CRCP: variants seen among roughly 807,000 people sequenced by gnomAD.
CRCP encodes DNA-directed RNA polymerase III subunit RPC9.
Under a neutral mutation model 18.5 loss-of-function variants are expected in CRCP, and 18 were observed. The ratio of observed to expected loss-of-function variants is 0.97; its 90% confidence interval spans 0.67 to 1.44. The LOEUF (loss-of-function observed/expected upper bound fraction) is 1.44. Ranked by LOEUF, CRCP falls within the 40% of genes most tolerant of loss-of-function variation. The probability of loss-of-function intolerance (pLI) is 0.00; values close to 1 mark genes in which losing one functional copy is unlikely to be tolerated. For missense variants in CRCP, 130 were observed against 176.4 expected (o/e 0.74, Z 1.49); for synonymous variants, 53 against 62.9 (o/e 0.84, Z 0.75).
rs187318410 is a variant in CRCP, at chr7:66,132,502, G to T, written c.144+1660G>T. ...TCCCCTTCTCGTGTCCTGATTTCTG[G>T]GGGTACATGATATTGATGTTTCTTA... On this transcript the variant is annotated intron_variant, in intron 3 of 5. Transcript: ENST00000395326. Among the ~76,000 whole-genome samples, 64 of 152,260 alleles carry T rather than the reference G, an allele frequency of 4.2e-4. No homozygotes were observed. The East Asian group carries it at 9.1e-3, about 22-fold the overall frequency.
chr7:66,131,886 C>G (rs1218309684), intron 3 of CRCP, among the ~76,000 whole-genome samples: 2 of 151,836 alleles, frequency 1.3e-5, no homozygotes, highest in Admixed American at 1.3e-4. Context: ...CTCAGCCTCC[C>G]GAGTAGCTGG....
At chr7:66,138,320 C>G (rs1047270848) in intron 4 of CRCP, among the ~76,000 whole-genome samples, 2 of 152,066 alleles carry the variant, frequency 1.3e-5, no homozygotes, top group Admixed American at 1.3e-4. Flanking sequence ...GGGAAGATCA[C>G]TTGAGGCCAG....
intron 1 of CRCP, chr7:66,119,529 G>C (rs1787369314): frequency 2.0e-5 from 3 of 152,190 alleles, no homozygotes; most frequent in Admixed American, 2.0e-4. Context: ...TTCTGGGACT[G>C]AGCCCTCAGC....
At chr7:66,122,812 G>T (rs1297673315) in intron 1 of CRCP, among the ~76,000 whole-genome samples, 3 of 152,110 alleles carry the variant, frequency 2.0e-5, no homozygotes, top group Non-Finnish European at 4.4e-5. Context: ...CTTGCAGATT[G>T]CAAACTTCTT....
At chr7:66,131,429 G>A (rs997875450) in intron 3 of CRCP, among the ~76,000 whole-genome samples, 6 of 152,118 alleles carry the variant, frequency 3.9e-5, no homozygotes, top group African/African-American at 1.4e-4. Flanking sequence ...CAACCTCCTA[G>A]GCTCAGGTGA....
intron 3 of CRCP, among the ~76,000 whole-genome samples, chr7:66,133,382 C>T (rs1787867827): frequency 6.6e-6 from 1 of 152,008 alleles, no homozygotes; most frequent in Admixed American, 6.6e-5. Context: ...GTGGCAGGCG[C>T]CTGTAGTCCC....
intron 4 of CRCP, among the ~76,000 whole-genome samples, chr7:66,135,876 G>A (rs1474318190): frequency 2.6e-5 from 4 of 151,610 alleles, no homozygotes; most frequent in Admixed American, 6.6e-5. Context: ...AGCCAAGATC[G>A]CGCCCTTGCG....
chr7:66,128,126 A>T (rs1787671233), intron 2 of CRCP, among the ~76,000 whole-genome samples: 1 of 151,200 alleles, frequency 6.6e-6, no homozygotes, highest in South Asian at 2.1e-4. Context: ...AAAAAAAAAA[A>T]AAGAAAGAAA....
At chr7:66,124,081 GCCATGC>G (rs1787541918) in intron 1 of CRCP, among the ~76,000 whole-genome samples, 1 of 47,500 alleles carries the variant, frequency 2.1e-5, no homozygotes, top group Non-Finnish European at 4.0e-5. Context: ...AAAAAAAAAA[GCCATGC>G]CCAGTGGCTC....
intron 3 of CRCP, among the ~76,000 whole-genome samples, chr7:66,133,692 G>A (rs1013193077): frequency 2.7e-5 from 4 of 149,156 alleles, no homozygotes; most frequent in African/African-American, 7.3e-5. Flanking sequence ...TTGTCAGATT[G>A]AGGGTTTTTT....
chr7:66,151,727 C>A (rs1788476118), intron 5 of CRCP, among the ~76,000 whole-genome samples: 1 of 125,586 alleles, frequency 8.0e-6, no homozygotes, highest in Non-Finnish European at 1.7e-5. Flanking sequence ...GGTTATATAA[C>A]TTAGCTTTTT....
intron 2 of CRCP, among the ~76,000 whole-genome samples, chr7:66,129,383 T>C (rs760765773): frequency 9.2e-5 from 14 of 152,092 alleles, no homozygotes; most frequent in Non-Finnish European, 1.8e-4. Context: ...ACACCTACTA[T>C]GGTCCTAGCT....
At chr7:66,134,789 A>G (rs1163153786) in intron 4 of CRCP, among the ~76,000 whole-genome samples, 2 of 152,190 alleles carry the variant, frequency 1.3e-5, no homozygotes, top group East Asian at 3.8e-4. Context: ...GCATCTGACC[A>G]CAGCATAACA....
chr7:66,121,741 A>G (rs922858131), intron 1 of CRCP, among the ~76,000 whole-genome samples: 1 of 152,170 alleles, frequency 6.6e-6, no homozygotes, highest in African/African-American at 2.4e-5. Flanking sequence ...TCTTGAACGT[A>G]ATATATATAA....
At chr7:66,124,146 G>A (rs1297097526) in intron 1 of CRCP, among the ~76,000 whole-genome samples, 2 of 147,758 alleles carry the variant, frequency 1.4e-5, no homozygotes, top group Admixed American at 6.9e-5. Context: ...CGGATCACGA[G>A]GTCAGGAGAT....
At chr7:66,130,496 A>G (rs1787766743) in intron 2 of CRCP, among the ~76,000 whole-genome samples, 1 of 152,162 alleles carries the variant, frequency 6.6e-6, no homozygotes, top group Non-Finnish European at 1.5e-5. Context: ...ACATATTGAT[A>G]GGAAATATTT....
At chr7:66,148,391 G>A (rs988638754) in intron 5 of CRCP, among the ~76,000 whole-genome samples, 1 of 152,106 alleles carries the variant, frequency 6.6e-6, no homozygotes, top group South Asian at 2.1e-4. Flanking sequence ...GAAATAAAAG[G>A]TTTCACTTAC....
At position 66,130,818 on chromosome 7, in the gene CRCP, G is replaced by A; in HGVS notation, c.120G>A (p.Gln40=). 2 of 1,592,570 alleles carry A rather than the reference G, an allele frequency of 1.3e-6. No individual in the cohort carries two copies. The highest frequency in any genetic ancestry group is 1.7e-6 in the Non-Finnish European group (2 of 1,160,644). The change falls in exon 3 of 6, where the codon CAG becomes CAA. Residue 40 remains glutamine (Q), a synonymous_variant. Transcript: ENST00000395326. ...AGAATAAACACAGCTCTGGGCAACA[G>A]AACTTGAACACTATCACCTATGAAG... ...SGKNKHSSGQ[Q]NLNTITYETL...
intron 1 of CRCP, among the ~76,000 whole-genome samples, chr7:66,117,994 T>A (rs1056854985): frequency 3.9e-5 from 6 of 152,214 alleles, no homozygotes; most frequent in Non-Finnish European, 7.3e-5. Context: ...TTTAGTTCGC[T>A]TTTGAGATGG....
Sources: gnomAD v4.1 joint callset for allele counts (sites outside exome capture counted in the v4.1 genomes callset) on GRCh38, gnomAD v4.1.1 for gene constraint, MANE v1.5 for transcripts, NCBI Gene and HGNC (gene_info 2026-07-23, HGNC 2026-07-21) for gene names.